The following TUFT1 variants were observed in gnomAD, a reference collection of about 807,000 sequenced individuals.
The protein encoded by TUFT1 is tuftelin.
A neutral mutation model predicts 57.8 loss-of-function variants in TUFT1; 43 were observed. That is an observed-to-expected ratio of 0.74 (90% CI 0.58 to 0.96). The LOEUF is 0.96. TUFT1 is among the 40% of genes least tolerant of loss of function. TUFT1 has a pLI of 0.00. For synonymous variants in TUFT1, 166 were observed against 176.7 expected (o/e 0.94, Z 0.48); for missense variants, 459 against 489.0 (o/e 0.94, Z 0.58).
At chr1:151,561,851 T>A in intron 1 of TUFT1, 1 of 1,480,802 alleles carries the variant, frequency 6.8e-7, no homozygotes, top group South Asian at 1.2e-5. Context: ...CAGAGCCATG[T>A]GCCAGGTAAT....
chr1:151,570,268 C>G (rs1666216341), intron 7 of TUFT1, among the ~76,000 whole-genome samples: 1 of 152,142 alleles, frequency 6.6e-6, no homozygotes. Context: ...CTAAACTCAG[C>G]TTTGCTATGC....
At position 151,581,644 on chromosome 1, in the gene TUFT1, TATTAGGATATCCAAGCC is replaced by T; in HGVS notation, c.1111_1127del (p.Ile371AlafsTer2). 6.2e-7 allele frequency: 1 copy of T among 1,614,040 alleles called. No individual in the cohort carries two copies. Among genetic ancestry groups the T allele is most frequent in the Non-Finnish European group, 8.5e-7 (1 of 1,179,992 alleles). ...TCAGTGTTTCCAACCTTCTTTTCAG[TATTAGGATATCCAAGCC>T]GCCTAGCCCGAAGCCCATGCCTGTC... On this transcript the variant is annotated frameshift_variant and splice_region_variant, in exon 13 of 13. Coordinates refer to ENST00000368849, the MANE Select transcript of TUFT1 (RefSeq NM_020127.3). LOFTEE classifies it high-confidence loss of function.
At chr1:151,542,732 A>G (rs763655885) in intron 1 of TUFT1, among the ~76,000 whole-genome samples, 8 of 152,214 alleles carry the variant, frequency 5.3e-5, no homozygotes, top group Non-Finnish European at 1.0e-4. Context: ...ATTTTACTCC[A>G]GAGCTGGGAA....
chr1:151,563,416 T>G (rs6691736), intron 3 of TUFT1, among the ~76,000 whole-genome samples: 48,771 of 151,916 alleles, frequency 0.32, 8,796 homozygotes, highest in East Asian at 0.62. Context: ...TTTTTCTGGG[T>G]TTAGATACAT....
intron 6 of TUFT1, among the ~76,000 whole-genome samples, chr1:151,567,451 C>G (rs1269293617): frequency 1.3e-5 from 2 of 152,232 alleles, no homozygotes; most frequent in South Asian, 2.1e-4. Context: ...CCAGGCTCAT[C>G]TCAAACTCCT....
At chr1:151,551,602 C>T (rs560491571) in intron 1 of TUFT1, among the ~76,000 whole-genome samples, 65 of 152,040 alleles carry the variant, frequency 4.3e-4, no homozygotes, top group Non-Finnish European at 1.9e-4. Flanking sequence ...ATACCCCGGT[C>T]GGAGAAAGCA....
intron 4 of TUFT1, 56 bp from the exon 5 acceptor site, chr1:151,564,469 T>C (rs1665998755): frequency 2.2e-6 from 3 of 1,358,358 alleles, no homozygotes; most frequent in African/African-American, 1.4e-5. Flanking sequence ...GTTGGGTGAG[T>C]TGGCATGCTC....
chr1:151,562,306 C>G, intron 2 of TUFT1, 141 bp downstream of exon 2: 2 of 758,076 alleles, frequency 2.6e-6, no homozygotes, highest in African/African-American at 1.7e-5. Flanking sequence ...TCCAGCTTGC[C>G]TCAGCCTTCT....
intron 7 of TUFT1, 55 bp from the exon 8 acceptor site, chr1:151,574,215 T>G (rs1666363674): frequency 3.8e-6 from 6 of 1,568,888 alleles, no homozygotes; most frequent in Middle Eastern, 1.7e-4. Flanking sequence ...AAGGTTTTTT[T>G]CCATGTTTGC....
rs910875871 is a variant in TUFT1 at position 151,566,220 on chromosome 1, C to T, written c.472C>T (p.Pro158Ser). 9.9e-6 allele frequency: 16 copies of T among 1,611,186 alleles called. No homozygotes were observed. The highest frequency in any genetic ancestry group is 1.4e-5 in the Non-Finnish European group (16 of 1,179,080). Residue 158 changes from proline to serine, a missense_variant, in exon 6 of 13, where the codon CCA becomes TCA. By Grantham distance (74) the Pro-to-Ser change is moderately conservative. Coordinates refer to ENST00000368849, the MANE Select transcript of TUFT1 (RefSeq NM_020127.3). ...GAGTCCCACAGCCCTGTACAGCAGCCCACCTGAGGTAGGTAACAGAGGACA... is the reference window on the plus strand; with the variant it reads ...GAGTCCCACAGCCCTGTACAGCAGCTCACCTGAGGTAGGTAACAGAGGACA... ...SQSPTALYSS[P>S]PEVDTCINED... is the part of the protein sequence containing the mutation.
intron 1 of TUFT1, among the ~76,000 whole-genome samples, chr1:151,559,916 C>A (rs1665827866): frequency 6.6e-6 from 1 of 151,910 alleles, no homozygotes; most frequent in Non-Finnish European, 1.5e-5. Flanking sequence ...GCCTCAGTCT[C>A]CTGAGCAGCT....
intron 10 of TUFT1, 100 bp downstream of exon 10, chr1:151,578,926 A>G (rs1666563796): frequency 9.7e-6 from 9 of 923,338 alleles, no homozygotes; most frequent in South Asian, 4.4e-5. Context: ...TGCATTTCCC[A>G]TGTCAAACAT....
At chr1:151,542,820 G>A (rs569496039) in intron 1 of TUFT1, among the ~76,000 whole-genome samples, 6 of 152,202 alleles carry the variant, frequency 3.9e-5, no homozygotes, top group East Asian at 1.9e-4. Context: ...GTGAACAGTC[G>A]GGACACAGGC....
At chr1:151,540,759 A>G in intron 1 of TUFT1, 1 of 273,524 alleles carries the variant, frequency 3.7e-6, no homozygotes, top group African/African-American at 2.2e-5. Context: ...TAAGAGAATG[A>G]GCTCAAGCGA....
rs147244422 is a variant in TUFT1 at position 151,562,097 on chromosome 1, G to A, written c.67G>A (p.Val23Met). 1,991 of 1,614,006 alleles carry A rather than the reference G, an allele frequency of 1.2e-3. 4 individuals carry two copies. Among genetic ancestry groups the A allele is most frequent in the Admixed American group, 1.9e-3 (115 of 60,022 alleles). The change falls in exon 2 of 13, where the codon GTG becomes ATG. Residue 23 changes from valine to methionine, a missense_variant. By Grantham distance (21) the Val-to-Met change is conservative. Transcript: ENST00000368849. ...CTGTCATTGTCATTATTAGGGCAGC[G>A]TGGACATTCTCAGGCTGACTCTCCA... The part of the protein sequence containing the change: ...VHPEDQAAGS[V>M]DILRLTLQGE...
chr1:151,571,063 T>C (rs1666236108), intron 7 of TUFT1, among the ~76,000 whole-genome samples: 1 of 152,242 alleles, frequency 6.6e-6, no homozygotes, highest in Admixed American at 6.5e-5. Flanking sequence ...CCTGCTTTTG[T>C]TCTTCCACAA....
At chr1:151,556,120 T>C (rs1665690151) in intron 1 of TUFT1, among the ~76,000 whole-genome samples, 1 of 152,214 alleles carries the variant, frequency 6.6e-6, no homozygotes, top group Admixed American at 6.5e-5. Context: ...ACTTTTGTGA[T>C]TGGCTTTTTT....
intron 7 of TUFT1, among the ~76,000 whole-genome samples, chr1:151,570,098 G>A (rs537621204): frequency 5.9e-5 from 9 of 152,262 alleles, no homozygotes; most frequent in African/African-American, 7.2e-5. Flanking sequence ...TTGAGACTCC[G>A]TGCAGGCAAG....
chr1:151,543,864 G>T (rs149252042), intron 1 of TUFT1, among the ~76,000 whole-genome samples: 2 of 152,282 alleles, frequency 1.3e-5, no homozygotes, highest in East Asian at 1.9e-4. Context: ...ATCAGTGGAG[G>T]GGAATGGAAG....
Sources: allele counts gnomAD v4.1 joint callset (sites outside exome capture counted in the v4.1 genomes callset), GRCh38; gene constraint gnomAD v4.1.1; transcripts MANE v1.5; gene names NCBI Gene and HGNC (gene_info 2026-07-23, HGNC 2026-07-21).